Variants in CWF19L1 observed in about 807,000 individuals in gnomAD.
CWF19L1 encodes CWF19 like cell cycle control factor 1.
In CWF19L1, 60 loss-of-function variants were observed where a neutral mutation model predicts 69.7. That is an observed-to-expected ratio of 0.86 (90% CI 0.70 to 1.07). The LOEUF is 1.07. CWF19L1 is among the 50% of genes least tolerant of loss of function. The pLI, the probability that CWF19L1 is intolerant of heterozygous loss-of-function variation, is 0.00. For synonymous variants in CWF19L1, 209 were observed against 222.2 expected (o/e 0.94, Z 0.53); for missense variants, 591 against 638.9 (o/e 0.92, Z 0.81).
intron 4 of CWF19L1, among the ~76,000 whole-genome samples, chr10:100,258,950 C>A (rs1417052398): frequency 2.7e-5 from 4 of 150,450 alleles, no homozygotes. Context: ...CACCTGTAAT[C>A]CCAGCACTTT....
At position 100,238,035 on chromosome 10, in the gene CWF19L1, T is replaced by TG. The variant is rs1846505125; in HGVS notation, c.1240dup (p.His414ProfsTer17). The TG allele has an allele frequency of 3.7e-6, 6 of 1,613,992 alleles. No homozygotes were observed. The highest frequency in any genetic ancestry group is 5.1e-6 in the Non-Finnish European group (6 of 1,179,996). On this transcript the variant is annotated frameshift_variant, in exon 11 of 14. Transcript: ENST00000354105. LOFTEE classifies it high-confidence loss of function. ...CAGACCACCTACCTGTAGCTGGAGGTGATGGCTCTTATAATTTCTCTCAAA... is the reference window on the plus strand; with the variant it reads ...CAGACCACCTACCTGTAGCTGGAGGTGGATGGCTCTTATAATTTCTCTCAAA...
At chr10:100,243,626 T>C (rs1009847565) in intron 10 of CWF19L1, 72 bp downstream of exon 10, 1 of 1,283,758 alleles carries the variant, frequency 7.8e-7, no homozygotes, top group South Asian at 1.2e-5. Context: ...TATATGTAGA[T>C]TATGCCTCAA....
chr10:100,248,045 G>A (rs1262512853), intron 7 of CWF19L1, among the ~76,000 whole-genome samples: 1 of 152,154 alleles, frequency 6.6e-6, no homozygotes, highest in East Asian at 1.9e-4. Context: ...CACACCTTTT[G>A]ACGAAAGTAT....
At chr10:100,256,606 G>A in intron 4 of CWF19L1, 130 bp from the exon 5 acceptor site, 1 of 687,366 alleles carries the variant, frequency 1.5e-6, no homozygotes, top group Non-Finnish European at 2.5e-6. Context: ...AAACTCTCCA[G>A]CAGCTCCCTT....
At chr10:100,243,893 T>C in intron 9 of CWF19L1, 116 bp from the exon 10 acceptor site, 1 of 784,850 alleles carries the variant, frequency 1.3e-6, no homozygotes, top group Non-Finnish European at 2.2e-6. Context: ...TATACAACAC[T>C]GCCACAATGG....
At chr10:100,266,109 C>T (rs1028250266) in intron 1 of CWF19L1, among the ~76,000 whole-genome samples, 5 of 152,034 alleles carry the variant, frequency 3.3e-5, no homozygotes, top group African/African-American at 7.2e-5. Flanking sequence ...TTCTTGACTC[C>T]TATCATTAAG....
At position 100,246,794 on chromosome 10, in the gene CWF19L1, C is replaced by A; in HGVS notation, c.849+1G>T. The A allele has an allele frequency of 1.2e-6, 2 of 1,613,172 alleles. No homozygotes were observed. The highest frequency in any genetic ancestry group is 1.7e-5 in the Admixed American group (1 of 59,970). On this transcript the variant is annotated splice_donor_variant, in intron 8 of 13. Coordinates refer to ENST00000354105, the MANE Select transcript of CWF19L1 (RefSeq NM_018294.6). LOFTEE classifies it high-confidence loss of function. ...AATGCCAACCCTCAATCAGAACATA[C>A]CACAGGGGCAAGAATTTGCTTTCCT...
intron 7 of CWF19L1, chr10:100,249,052 A>C (rs945818307): frequency 3.6e-6 from 2 of 555,938 alleles, no homozygotes; most frequent in Non-Finnish European, 6.7e-6. Flanking sequence ...GGGGCAGTCC[A>C]TGCTCCTCCA....
Position 100,252,525 on chromosome 10 carries a change from GA to G in CWF19L1, c.623+895del, listed in dbSNP as rs555244988. Among the ~76,000 whole-genome samples the G allele has an allele frequency of 1.4e-3, 211 of 150,846 alleles. 3 individuals are homozygous for G. The highest frequency in any genetic ancestry group is 4.6e-3 in the African/African-American group (190 of 41,206). On this transcript the variant is annotated intron_variant, in intron 6 of 13. Coordinates refer to ENST00000354105, the MANE Select transcript of CWF19L1 (RefSeq NM_018294.6). ...AAAAACTCCACCTCTGAGTGCAAAA[GA>G]AAAAAAATAAAAAAAAATATTTTCT... is the stretch of plus-strand genomic sequence containing the variant.
At chr10:100,233,526 A>G in intron 13 of CWF19L1, 155 bp from the exon 14 acceptor site, 1 of 636,324 alleles carries the variant, frequency 1.6e-6, no homozygotes, top group Non-Finnish European at 2.5e-6. Context: ...CCCGTTTTAA[A>G]TGACCAGCTC....
intron 11 of CWF19L1, 58 bp downstream of exon 11, chr10:100,237,964 T>C: frequency 1.5e-5 from 23 of 1,497,320 alleles, no homozygotes; most frequent in Non-Finnish European, 2.0e-5. Flanking sequence ...AAATACTTAT[T>C]TACCAATATC....
At chr10:100,242,215 C>G (rs371263091) in intron 10 of CWF19L1, among the ~76,000 whole-genome samples, 2 of 152,308 alleles carry the variant, frequency 1.3e-5, no homozygotes. Flanking sequence ...TACCAAACAA[C>G]CATATCATCA....
In CWF19L1 at chr10:100,232,566, C is replaced by T. The variant is rs1277005579; in HGVS notation, c.*661G>A. 1 of 152,306 alleles carries T rather than the reference C, an allele frequency of 6.6e-6. No homozygotes were observed. The highest frequency in any genetic ancestry group is 1.5e-5 in the Non-Finnish European group (1 of 68,134). 9.4% of individuals were successfully genotyped at this position (152,306 alleles called of 1,614,324 possible). A position where few individuals can be genotyped will look rare whatever the true frequency, so the allele number is the denominator to read the frequency against. On this transcript the variant is annotated 3_prime_UTR_variant, in exon 14 of 14. Coordinates refer to ENST00000354105, the MANE Select transcript of CWF19L1 (RefSeq NM_018294.6). The stretch of plus-strand genomic sequence containing the variant: ...TAGCTGGGATTACAAGTGCCTGGCA[C>T]CACGCCCAGCTAATTTTTGTAGCTT...
At chr10:100,240,455 T>G (rs999470252) in intron 10 of CWF19L1, among the ~76,000 whole-genome samples, 43 of 152,220 alleles carry the variant, frequency 2.8e-4, no homozygotes, top group African/African-American at 1.0e-3. Context: ...GGTTTCTACC[T>G]AAGGACAGTG....
chr10:100,243,609 T>G, intron 10 of CWF19L1, 89 bp downstream of exon 10: 1 of 1,134,550 alleles, frequency 8.8e-7, no homozygotes, highest in African/African-American at 1.5e-5. Context: ...TAAACATGGG[T>G]AAATGTTATA....
At position 100,260,303 on chromosome 10, in the gene CWF19L1, A is replaced by AT. The variant is rs1847355865; in HGVS notation, c.203dup (p.Tyr68Ter). 6.2e-7 allele frequency: 1 copy of AT among 1,604,078 alleles called. No individual in the cohort carries two copies. The highest frequency in any genetic ancestry group is 8.5e-7 in the Non-Finnish European group (1 of 1,171,456). The change falls in exon 4 of 14, where the codon TAT becomes TAAT. Residue 68 changes from tyrosine (Y) to a stop codon, truncating the protein, a stop_gained and frameshift_variant. Coordinates refer to ENST00000354105, the MANE Select transcript of CWF19L1 (RefSeq NM_018294.6). LOFTEE classifies it high-confidence loss of function. ...TGIKKAPIQT[Y>*]VLGANNQETV... Reference sequence around the variant, plus strand: ...TTTCCTGGTTATTAGCACCAAGCACATATGTCTGAATAGGAGCTAGTGAGG... The same window carrying AT: ...TTTCCTGGTTATTAGCACCAAGCACATTATGTCTGAATAGGAGCTAGTGAGG...
intron 4 of CWF19L1, among the ~76,000 whole-genome samples, chr10:100,259,788 C>T (rs555914888): frequency 6.6e-6 from 1 of 152,314 alleles, no homozygotes; most frequent in South Asian, 2.1e-4. Flanking sequence ...ACCCCATTAT[C>T]TCAGGCTGCA....
intron 9 of CWF19L1, among the ~76,000 whole-genome samples, chr10:100,245,440 T>C (rs1846783063): frequency 6.6e-6 from 1 of 152,210 alleles, no homozygotes; most frequent in Non-Finnish European, 1.5e-5. Flanking sequence ...CTCAAGTAGA[T>C]GGGCTAAAAA....
chr10:100,260,672 G>A (rs7902522), intron 3 of CWF19L1, among the ~76,000 whole-genome samples: 11,403 of 151,904 alleles, frequency 0.075, 576 homozygotes, highest in African/African-American at 0.14. Context: ...ACAGGCATGC[G>A]CCACCATGCC....
Sources: allele counts gnomAD v4.1 joint callset (sites outside exome capture counted in the v4.1 genomes callset), GRCh38; gene constraint gnomAD v4.1.1; transcripts MANE v1.5; gene names NCBI Gene and HGNC (gene_info 2026-07-23, HGNC 2026-07-21).